Variants in PTPRN2 observed in about 807,000 individuals in gnomAD.
PTPRN2 encodes the protein protein tyrosine phosphatase receptor type N2, also known as receptor-type tyrosine-protein phosphatase N2.
Under a neutral mutation model 118.8 loss-of-function variants are expected in PTPRN2, and 74 were observed. That is an observed-to-expected ratio of 0.62 (90% CI 0.52 to 0.76). The LOEUF is 0.76. Ranked by LOEUF, PTPRN2 falls within the 30% of genes least tolerant of loss-of-function variation. The pLI is 0.00. For missense variants in PTPRN2, 1,481 were observed against 1,394.4 expected, an observed-to-expected ratio of 1.06 and a Z score of -0.99; for synonymous variants, 641 against 608.0, an observed-to-expected ratio of 1.05 and a Z score of -0.80.
intron 3 of PTPRN2, among the ~76,000 whole-genome samples, chr7:158,285,608 C>T (rs1799716365): frequency 6.6e-6 from 1 of 152,210 alleles, no homozygotes; most frequent in African/African-American, 2.4e-5. Flanking sequence ...GCCTCCACAG[C>T]TTCTCCTCAT....
intron 10 of PTPRN2, among the ~76,000 whole-genome samples, chr7:158,091,194 C>A (rs1814092291): frequency 6.6e-6 from 1 of 152,172 alleles, no homozygotes; most frequent in South Asian, 2.1e-4. Flanking sequence ...CATTTGACTA[C>A]AGTTTTCTGA....
At chr7:158,252,248 C>T (rs1001686387) in intron 3 of PTPRN2, among the ~76,000 whole-genome samples, 7 of 152,132 alleles carry the variant, frequency 4.6e-5, no homozygotes, top group Non-Finnish European at 7.4e-5. Flanking sequence ...ACCTCTGCGG[C>T]GAGAATCAGA....
Position 157,621,358 on chromosome 7 carries a change from G to T in PTPRN2, c.2344+4C>A, listed in dbSNP as rs201342955. 1 of 1,567,104 alleles carries T rather than the reference G, an allele frequency of 6.4e-7. No individual in the cohort carries two copies. Among genetic ancestry groups the T allele is most frequent in the Non-Finnish European group, 8.6e-7 (1 of 1,160,416 alleles). The stretch of plus-strand genomic sequence containing the variant: ...GGCTTCCTGCCCCCGGGGCTGGTAC[G>T]TACAGGTCAGCACGGCCAGGGAGCG... On this transcript the variant is annotated splice_donor_region_variant and intron_variant, in intron 15 of 22. Transcript: ENST00000389418.
chr7:158,149,729 G>C (rs1006897659), intron 6 of PTPRN2, among the ~76,000 whole-genome samples: 1 of 151,882 alleles, frequency 6.6e-6, no homozygotes, highest in Non-Finnish European at 1.5e-5. Flanking sequence ...GCTTGAACAT[G>C]GGAGACGGAG....
intron 10 of PTPRN2, among the ~76,000 whole-genome samples, chr7:158,096,716 G>A (rs935927254): frequency 1.3e-5 from 2 of 152,216 alleles, no homozygotes; most frequent in Non-Finnish European, 2.9e-5. Flanking sequence ...TTGGGAAGGA[G>A]AGTTACATAA....
chr7:157,906,241 G>A (rs960886914), intron 11 of PTPRN2, among the ~76,000 whole-genome samples: 12 of 152,150 alleles, frequency 7.9e-5, no homozygotes, highest in Non-Finnish European at 1.3e-4. Context: ...GGTCCCAACC[G>A]GCACCTCCTT....
intron 11 of PTPRN2, among the ~76,000 whole-genome samples, chr7:157,921,117 T>A (rs764864635): frequency 1.3e-5 from 2 of 152,174 alleles, no homozygotes; most frequent in Non-Finnish European, 2.9e-5. Context: ...CCGTGGTGTA[T>A]CCATATAATA....
At chr7:158,365,850 C>CACACACA (rs57276163) in intron 2 of PTPRN2, among the ~76,000 whole-genome samples, 26,596 of 102,284 alleles carry the variant, frequency 0.26, 6,244 homozygotes, top group Middle Eastern at 0.33. Flanking sequence ...ACACACACAC[C>CACACACA]CACACACACA....
chr7:158,265,583 C>G (rs914367959), intron 3 of PTPRN2, among the ~76,000 whole-genome samples: 1 of 152,210 alleles, frequency 6.6e-6, no homozygotes. Context: ...TGTTTGGTCC[C>G]AGACTCTGGG....
chr7:157,855,251 T>C (rs1203984218), intron 12 of PTPRN2, among the ~76,000 whole-genome samples: 1 of 152,168 alleles, frequency 6.6e-6, no homozygotes, highest in Admixed American at 6.5e-5. Context: ...CGGGGCTTGC[T>C]GACTCTCGTG....
At chr7:158,221,659 C>T (rs921716651) in intron 3 of PTPRN2, among the ~76,000 whole-genome samples, 2 of 152,066 alleles carry the variant, frequency 1.3e-5, no homozygotes, top group South Asian at 2.1e-4. Flanking sequence ...GGGTTTCCTT[C>T]GGATCCATCA....
chr7:158,379,772 C>T (rs1332280555), intron 2 of PTPRN2, among the ~76,000 whole-genome samples: 1 of 152,168 alleles, frequency 6.6e-6, no homozygotes, highest in Non-Finnish European at 1.5e-5. Flanking sequence ...TGTATTAGTC[C>T]TTTTTCATGC....
chr7:157,559,877 C>G (rs116055832), intron 21 of PTPRN2, among the ~76,000 whole-genome samples: 1 of 152,124 alleles, frequency 6.6e-6, no homozygotes, highest in Non-Finnish European at 1.5e-5. Flanking sequence ...TCTCAGGGGC[C>G]GCCTGCTGCC....
chr7:158,441,932 A>G (rs1466379505), intron 2 of PTPRN2, among the ~76,000 whole-genome samples: 1 of 70,546 alleles, frequency 1.4e-5, no homozygotes, highest in African/African-American at 5.8e-5. Context: ...AGTGATGGTC[A>G]TGGCAGTGGT....
At chr7:157,882,832 C>T (rs539643141) in intron 12 of PTPRN2, among the ~76,000 whole-genome samples, 17 of 143,910 alleles carry the variant, frequency 1.2e-4, no homozygotes, top group African/African-American at 2.4e-4. Context: ...AAATGACTGT[C>T]GGAGATAAAA....
chr7:158,402,070 G>A (rs1021739001), intron 2 of PTPRN2, among the ~76,000 whole-genome samples: 1 of 152,124 alleles, frequency 6.6e-6, no homozygotes, highest in Admixed American at 6.5e-5. Flanking sequence ...GGAGAGGCGG[G>A]ACACGGGGTG....
intron 15 of PTPRN2, among the ~76,000 whole-genome samples, chr7:157,620,266 G>A (rs941942225): frequency 1.3e-5 from 2 of 152,174 alleles, no homozygotes; most frequent in Non-Finnish European, 2.9e-5. Context: ...GATGAGTGAG[G>A]TGGACGCCAG....
chr7:157,560,744 G>T lies in PTPRN2; in HGVS notation c.2902+8158C>A, dbSNP rs1395635038. ...CTCCTCCCACCTCACCCAATTCTGG[G>T]CACTTTTTCAGCCTGAAACTTGCCT... On this transcript the variant is annotated intron_variant, in intron 21 of 22. Transcript: ENST00000389418. The surrounding 1 kb of genome is among the most constrained non-coding windows in gnomAD (Gnocchi z 6.7). Among the ~76,000 whole-genome samples, 1 of 152,166 alleles carries T rather than the reference G, an allele frequency of 6.6e-6. No homozygotes were observed. The highest frequency in any genetic ancestry group is 1.5e-5 in the Non-Finnish European group (1 of 68,038).
At chr7:158,224,987 G>T (rs1207301960) in intron 3 of PTPRN2, among the ~76,000 whole-genome samples, 2 of 152,124 alleles carry the variant, frequency 1.3e-5, no homozygotes, top group Non-Finnish European at 2.9e-5. Context: ...CATCTCATCA[G>T]GGAAATGTCA....
Sources: allele counts gnomAD v4.1 joint callset (sites outside exome capture counted in the v4.1 genomes callset), GRCh38; gene constraint gnomAD v4.1.1; non-coding constraint Gnocchi (gnomAD v3.1); transcripts MANE v1.5; gene names NCBI Gene and HGNC (gene_info 2026-07-23, HGNC 2026-07-21).